Variants in PHACTR1 observed in about 807,000 individuals in gnomAD.
PHACTR1 encodes RPEL repeat containing 1.
A neutral mutation model predicts 69.2 loss-of-function variants in PHACTR1; 16 were observed. The observed-to-expected ratio is 0.23, with a 90% CI of 0.16 to 0.35. The LOEUF is 0.35. Ranked by LOEUF, PHACTR1 falls within the 10% of genes least tolerant of loss-of-function variation. The pLI is 1.00. For synonymous variants in PHACTR1, 312 were observed against 284.5 expected (o/e 1.10, Z -0.97); for missense variants, 510 against 734.7 (o/e 0.69, Z 3.54).
rs77822050 is a variant in PHACTR1 at position 12,908,228 on chromosome 6, T to C, written c.251-145137T>C. On this transcript the variant is annotated intron_variant, in intron 4 of 14. Transcript: ENST00000332995. ...CTCATAGGACAACCCTTCAAATTCT[T>C]CAAGATCGTTATCGAGTTCCCCTTC... Among the ~76,000 whole-genome samples, 1,329 of 152,332 alleles carry C rather than the reference T, an allele frequency of 8.7e-3. 25 individuals carry two copies. Among genetic ancestry groups the C allele is most frequent in the African/African-American group, 0.03 (1,239 of 41,556 alleles).
At chr6:13,148,618 G>A (rs1238071189) in intron 5 of PHACTR1, among the ~76,000 whole-genome samples, 2 of 152,036 alleles carry the variant, frequency 1.3e-5, no homozygotes, top group Admixed American at 6.6e-5. Context: ...AGCTCCCATA[G>A]GACCTGACTT....
At chr6:12,972,943 G>A (rs929913351) in intron 4 of PHACTR1, among the ~76,000 whole-genome samples, 2 of 152,128 alleles carry the variant, frequency 1.3e-5, no homozygotes, top group African/African-American at 2.4e-5. Context: ...GAGCCACCGC[G>A]GCTGGCCTAT....
At chr6:13,216,244 A>G (rs1767657235) in intron 8 of PHACTR1, among the ~76,000 whole-genome samples, 1 of 152,222 alleles carries the variant, frequency 6.6e-6, no homozygotes, top group African/African-American at 2.4e-5. Flanking sequence ...CATGGTTACA[A>G]TTACTTTTCT....
In PHACTR1 at chr6:12,993,710, T is replaced by C. The variant is rs542361974; in HGVS notation, c.251-59655T>C. ...GGGGATCTCTGTAGAGGCAGGAAAT[T>C]CCCTATGAGAAATTGAAACTGAAAG... On this transcript the variant is annotated intron_variant, in intron 4 of 14. Transcript: ENST00000332995. Among the ~76,000 whole-genome samples the C allele has an allele frequency of 1.1e-4, 17 of 152,312 alleles. 1 individual carries two copies. The South Asian group carries it at 3.5e-3, about 32-fold the overall frequency.
chr6:12,961,971 C>G (rs62386824), intron 4 of PHACTR1, among the ~76,000 whole-genome samples: 1 of 152,170 alleles, frequency 6.6e-6, no homozygotes, highest in South Asian at 2.1e-4. Flanking sequence ...CTCTGTCACC[C>G]GGGTTTGGGT....
At chr6:12,938,728 C>T (rs1789740988) in intron 4 of PHACTR1, among the ~76,000 whole-genome samples, 1 of 152,180 alleles carries the variant, frequency 6.6e-6, no homozygotes, top group Non-Finnish European at 1.5e-5. Context: ...ACTCCCATCT[C>T]CAAGCAACAA....
intron 4 of PHACTR1, among the ~76,000 whole-genome samples, chr6:12,826,355 C>G (rs1250001155): frequency 2.0e-5 from 3 of 152,132 alleles, no homozygotes; most frequent in African/African-American, 7.2e-5. Flanking sequence ...ATCATGATGA[C>G]CCACATGTCT....
At chr6:12,869,231 G>A (rs1781778026) in intron 4 of PHACTR1, among the ~76,000 whole-genome samples, 1 of 152,102 alleles carries the variant, frequency 6.6e-6, no homozygotes, top group African/African-American at 2.4e-5. Flanking sequence ...GACAAATTTA[G>A]TAGAACATGT....
intron 4 of PHACTR1, among the ~76,000 whole-genome samples, chr6:13,047,801 AGCCAAGGTGAT>A (rs758499291): frequency 2.5e-4 from 38 of 152,190 alleles, no homozygotes; most frequent in Non-Finnish European, 3.4e-4. Flanking sequence ...GCCAGCAGAA[AGCCAAGGTGAT>A]GCCATCTTTG....
intron 4 of PHACTR1, among the ~76,000 whole-genome samples, chr6:13,045,399 G>A (rs913960044): frequency 3.3e-5 from 5 of 151,992 alleles, no homozygotes; most frequent in African/African-American, 7.3e-5. Flanking sequence ...CATCTTTACC[G>A]TCATAATAGT....
At chr6:13,032,252 C>G (rs1290660606) in intron 4 of PHACTR1, among the ~76,000 whole-genome samples, 3 of 151,978 alleles carry the variant, frequency 2.0e-5, no homozygotes. Context: ...TAATTGTGGC[C>G]CATAGTATTT....
intron 3 of PHACTR1, among the ~76,000 whole-genome samples, chr6:12,731,037 A>T (rs1309859323): frequency 1.0e-5 from 1 of 98,570 alleles, no homozygotes; most frequent in Non-Finnish European, 2.2e-5. Flanking sequence ...TTTATTTGAG[A>T]TGGAGTCTTG....
chr6:13,222,535 GTTC>G (rs1475587371), intron 8 of PHACTR1, among the ~76,000 whole-genome samples: 1 of 152,228 alleles, frequency 6.6e-6, no homozygotes, highest in Admixed American at 6.5e-5. Flanking sequence ...GATCTGGACA[GTTC>G]TTCATCATTC....
rs144018067 is a variant in PHACTR1, at chr6:13,258,227, G to A, written c.1392-14633G>A. ...ACAAAAATTAGCTGGGCATGGTGGC[G>A]CGTGCCTGTAATTCCAGCTTCTAGG... On this transcript the variant is annotated intron_variant, in intron 10 of 14. Coordinates refer to ENST00000332995, the MANE Select transcript of PHACTR1 (RefSeq NM_030948.6). Among the ~76,000 whole-genome samples, 90 of 152,050 alleles carry A rather than the reference G, an allele frequency of 5.9e-4. No homozygotes were observed. In the East Asian group the frequency reaches 0.014, roughly 24 times the overall value.
intron 4 of PHACTR1, among the ~76,000 whole-genome samples, chr6:13,017,643 A>G (rs1800382338): frequency 6.6e-6 from 1 of 152,226 alleles, no homozygotes; most frequent in African/African-American, 2.4e-5. Context: ...GAAAATCTAG[A>G]AAGTGAAGTA....
chr6:13,195,775 A>AAAAAAAAAAAAAAAT (rs1764304852), intron 7 of PHACTR1, among the ~76,000 whole-genome samples: 1 of 142,120 alleles, frequency 7.0e-6, no homozygotes, highest in African/African-American at 2.6e-5. Context: ...AAAAAAAAAA[A>AAAAAAAAAAAAAAAT]AAAAAGTTCA....
chr6:13,280,911 T>C (rs1369082103), intron 12 of PHACTR1: 1 of 1,269,630 alleles, frequency 7.9e-7, no homozygotes, highest in East Asian at 5.6e-5. Context: ...CCTTTCGTGG[T>C]CAGGGACATG....
chr6:13,197,706 A>AT (rs1289322737), intron 7 of PHACTR1, among the ~76,000 whole-genome samples: 1 of 152,142 alleles, frequency 6.6e-6, no homozygotes, highest in African/African-American at 2.4e-5. Context: ...ATCTAGAATC[A>AT]TTCTTCTGAG....
intron 4 of PHACTR1, among the ~76,000 whole-genome samples, chr6:12,973,547 T>C (rs1244605986): frequency 1.3e-5 from 2 of 152,246 alleles, no homozygotes; most frequent in African/African-American, 4.8e-5. Flanking sequence ...ATAAACTGTT[T>C]TGAGGCATAC....
Sources: allele counts gnomAD v4.1 joint callset (sites outside exome capture counted in the v4.1 genomes callset), GRCh38; gene constraint gnomAD v4.1.1; transcripts MANE v1.5; gene names NCBI Gene and HGNC (gene_info 2026-07-23, HGNC 2026-07-21).